PHKG2: variants seen among roughly 807,000 people sequenced by gnomAD.
PHKG2 encodes phosphorylase b kinase gamma catalytic chain, liver/testis isoform.
In PHKG2, 28 loss-of-function variants were observed where a neutral mutation model predicts 44.5. The ratio of observed to expected loss-of-function variants is 0.63; its 90% CI spans 0.47 to 0.86. The LOEUF is 0.86. PHKG2 is among the 40% of genes least tolerant of loss of function. PHKG2 has a pLI of 0.00. For missense variants in PHKG2, 498 were observed against 547.5 expected (o/e 0.91, Z 0.90); for synonymous variants, 220 against 211.2 (o/e 1.04, Z -0.36).
chr16:30,758,827 G>T lies in PHKG2; in HGVS notation c.*1730G>T. Reference sequence around the variant, plus strand: ...GCCTCAGATTGTGCTGGGATTACAGGTGTGAGCCACCACGCCTGGCCTGCA... The same window carrying T: ...GCCTCAGATTGTGCTGGGATTACAGTTGTGAGCCACCACGCCTGGCCTGCA... On this transcript the variant is annotated 3_prime_UTR_variant, in exon 10 of 10. Coordinates refer to ENST00000563588, the MANE Select transcript of PHKG2 (RefSeq NM_000294.3). The T allele has an allele frequency of 1.0e-6, 1 of 997,458 alleles. No homozygotes were observed. Among genetic ancestry groups the T allele is most frequent in the East Asian group, 2.6e-5 (1 of 37,926 alleles). The allele number at this position is 997,458 out of a possible 1,614,324, so 61.8% of individuals were successfully genotyped here. A position where few individuals can be genotyped will look rare whatever the true frequency, so the allele number is the denominator to read the frequency against.
chr16:30,756,321 G>A, intron 7 of PHKG2, 46 bp from the exon 8 acceptor site: 1 of 1,614,102 alleles, frequency 6.2e-7, no homozygotes, highest in Non-Finnish European at 8.5e-7. Context: ...TCCTTTGCTG[G>A]GTCTGCCCGT....
At chr16:30,749,891 T>C (rs887436351) in intron 2 of PHKG2, among the ~76,000 whole-genome samples, 2 of 152,132 alleles carry the variant, frequency 1.3e-5, no homozygotes, top group South Asian at 4.1e-4. Flanking sequence ...TCAAGTGCTA[T>C]GGGATTCCAG....
chr16:30,756,255 T>C lies in PHKG2; in HGVS notation c.630T>C (p.Tyr210=). Residue 210 remains tyrosine, a synonymous_variant, in exon 7 of 10, where the codon TAT becomes TAC. Coordinates refer to ENST00000563588, the MANE Select transcript of PHKG2 (RefSeq NM_000294.3). ...CCATGGATGAAACCCACCCAGGCTA[T>C]GGCAAGGAGGTCGACCTGTGAGTTC... is the stretch of plus-strand genomic sequence containing the variant. ...KCSMDETHPG[Y]GKEVDLWACG... 1.2e-6 allele frequency: 2 copies of C among 1,614,160 alleles called. No homozygotes were observed. Among genetic ancestry groups the C allele is most frequent in the South Asian group, 1.1e-5 (1 of 91,084 alleles).
rs2053712645 is a variant in PHKG2 at position 30,760,758 on chromosome 16, C to G, written c.*3661C>G. 1 of 1,224,968 alleles carries G rather than the reference C, an allele frequency of 8.2e-7. No individual in the cohort carries two copies. The highest frequency in any genetic ancestry group is 1.2e-6 in the Non-Finnish European group (1 of 853,986). The allele number at this position is 1,224,968 out of a possible 1,614,324, so 75.9% of individuals were successfully genotyped here. On this transcript the variant is annotated 3_prime_UTR_variant, in exon 10 of 10. Transcript: ENST00000563588. Reference sequence around the variant, plus strand: ...AGTGCGTGAGACTGGGAGTTGGCCACCGGCGTGAAGCTGGGCTCTTTTGCC... The same window carrying G: ...AGTGCGTGAGACTGGGAGTTGGCCAGCGGCGTGAAGCTGGGCTCTTTTGCC...
intron 1 of PHKG2, 131 bp from the exon 2 acceptor site, chr16:30,748,672 T>TGGG (rs2151304972): frequency 2.9e-6 from 1 of 347,038 alleles, no homozygotes; most frequent in Non-Finnish European, 5.4e-6. Flanking sequence ...TCCGGGTCCT[T>TGGG]CCCCCACCCC....
Position 30,759,420 on chromosome 16 carries a change from C to G in PHKG2, c.*2323C>G, listed in dbSNP as rs140233714. On this transcript the variant is annotated 3_prime_UTR_variant, in exon 10 of 10. Transcript: ENST00000563588. ...CCACGTAGTCTTCCAAGGCCAGCAG[C>G]TGTTCCTCTTTGAAGAGGTCGATGC... The G allele has an allele frequency of 5.8e-5, 94 of 1,614,114 alleles. No individual in the cohort carries two copies. Among genetic ancestry groups the G allele is most frequent in the Non-Finnish European group, 7.7e-5 (91 of 1,180,050 alleles).
Position 30,757,161 on chromosome 16 carries a change from G to C in PHKG2, c.*64G>C, listed in dbSNP as rs993158905. ...CAGAAGAAGGGTTTTGATCATTCCA[G>C]CTCCTCTGGGCTCTGGCCTCTGGCC... On this transcript the variant is annotated 3_prime_UTR_variant, in exon 10 of 10. Coordinates refer to ENST00000563588, the MANE Select transcript of PHKG2 (RefSeq NM_000294.3). 2 of 1,480,240 alleles carry C rather than the reference G, an allele frequency of 1.4e-6. No individual in the cohort carries two copies. The highest frequency in any genetic ancestry group is 4.4e-5 in the African/African-American group (2 of 45,252). The allele number at this position is 1,480,240 out of a possible 1,614,324, so 91.7% of individuals were successfully genotyped here.
In PHKG2 at chr16:30,757,747, C is replaced by T; in HGVS notation, c.*650C>T. 1.3e-6 allele frequency: 2 copies of T among 1,490,004 alleles called. No individual in the cohort carries two copies. The highest frequency in any genetic ancestry group is 1.8e-6 in the Non-Finnish European group (2 of 1,123,784). 92.3% of individuals were successfully genotyped at this position (1,490,004 alleles called of 1,614,324 possible). On this transcript the variant is annotated 3_prime_UTR_variant, in exon 10 of 10. Coordinates refer to ENST00000563588, the MANE Select transcript of PHKG2 (RefSeq NM_000294.3). ...AGTTGGGCAAACAGTCCCCAAATTT[C>T]CCCTGGTGGGGATATAGAGGTAGCA...
Position 30,759,681 on chromosome 16 carries a change from G to A in PHKG2, c.*2584G>A, listed in dbSNP as rs2053606724. The A allele has an allele frequency of 6.2e-7, 1 of 1,613,820 alleles. No individual in the cohort carries two copies. The highest frequency in any genetic ancestry group is 1.3e-5 in the African/African-American group (1 of 74,934). Reference sequence around the variant, plus strand: ...TGACTCCATGGCAAAAAAGGACACTGGTGAAGTAGCGGTAGCACTCCTCCA... The same window carrying A: ...TGACTCCATGGCAAAAAAGGACACTAGTGAAGTAGCGGTAGCACTCCTCCA... On this transcript the variant is annotated 3_prime_UTR_variant, in exon 10 of 10. Coordinates refer to ENST00000563588, the MANE Select transcript of PHKG2 (RefSeq NM_000294.3).
rs775887057 is a variant in PHKG2, at chr16:30,756,937, C to T, written c.1061C>T (p.Ala354Val). Residue 354 changes from alanine (A) to valine (V), a missense_variant, in exon 10 of 10, where the codon GCC (alanine) becomes GTC (valine). Physicochemically the swap from Ala to Val is moderately conservative, Grantham distance 64. Transcript: ENST00000563588. ...GTGCGGCACCTCATCGACAACTGTG[C>T]CTTCCGGCTCTACGGGCACTGGGTA... ...RSVRHLIDNCAFRLYGHWVKK... is the reference protein window; with the variant it reads ...RSVRHLIDNCVFRLYGHWVKK... The T allele has an allele frequency of 1.9e-6, 3 of 1,613,708 alleles. No homozygotes were observed. The African/African-American group carries it at 4.0e-5, about 22-fold the overall frequency.
Position 30,757,604 on chromosome 16 carries a change from GCT to G in PHKG2, c.*510_*511del, listed in dbSNP as rs748023608. On this transcript the variant is annotated 3_prime_UTR_variant, in exon 10 of 10. Transcript: ENST00000563588. ...TCCACCAGCCCCTGGAGCTGCTCCA[GCT>G]CTTTGTTCACTTGGGTCTTGATGTA... is the stretch of plus-strand genomic sequence containing the variant. 5 of 1,614,192 alleles carry G rather than the reference GCT, an allele frequency of 3.1e-6. No homozygotes were observed. Among genetic ancestry groups the G allele is most frequent in the South Asian group, 1.1e-5 (1 of 91,080 alleles).
Position 30,759,398 on chromosome 16 carries a change from C to T in PHKG2, c.*2301C>T, listed in dbSNP as rs143239070. Reference sequence around the variant, plus strand: ...AAGTGGCGGAAGTAAGTGTTGACCACGTAGTCTTCCAAGGCCAGCAGCTGT... The same window carrying T: ...AAGTGGCGGAAGTAAGTGTTGACCATGTAGTCTTCCAAGGCCAGCAGCTGT... On this transcript the variant is annotated 3_prime_UTR_variant, in exon 10 of 10. Transcript: ENST00000563588. 408 of 1,614,110 alleles carry T rather than the reference C, an allele frequency of 2.5e-4. No individual in the cohort carries two copies. Among genetic ancestry groups the T allele is most frequent in the Non-Finnish European group, 3.3e-4 (384 of 1,180,056 alleles).
In PHKG2 at chr16:30,757,430, A is replaced by G. The variant is rs1478562116; in HGVS notation, c.*333A>G. 6.3e-7 allele frequency: 1 copy of G among 1,588,810 alleles called. No homozygotes were observed. Among genetic ancestry groups the G allele is most frequent in the East Asian group, 2.2e-5 (1 of 44,638 alleles). ...AGAAGGTGCTCAGCAGGGTGCAGGG[A>G]TGGTGCCATTCTGGCCCAGACCTTT... On this transcript the variant is annotated 3_prime_UTR_variant, in exon 10 of 10. Coordinates refer to ENST00000563588, the MANE Select transcript of PHKG2 (RefSeq NM_000294.3).
chr16:30,750,355 G>A (rs937656545), intron 2 of PHKG2, among the ~76,000 whole-genome samples: 1 of 152,236 alleles, frequency 6.6e-6, no homozygotes, highest in Non-Finnish European at 1.5e-5. Flanking sequence ...GGAGGCCCCA[G>A]AGAGCATAAC....
chr16:30,753,086 G>A, intron 4 of PHKG2, 146 bp from the exon 5 acceptor site: 1 of 725,060 alleles, frequency 1.4e-6, no homozygotes. Context: ...CTGCCTTGTT[G>A]GAGTGCTGTG....
Position 30,760,639 on chromosome 16 carries a change from T to C in PHKG2, c.*3542T>C, listed in dbSNP as rs1231762301. On this transcript the variant is annotated 3_prime_UTR_variant, in exon 10 of 10. Transcript: ENST00000563588. ...CTCAGCATTGGTGGTCTTCTCCAGC[T>C]GGTGCATGGAATGGACGTCCAGGTA... The C allele has an allele frequency of 3.2e-6, 5 of 1,555,854 alleles. No individual in the cohort carries two copies. The highest frequency in any genetic ancestry group is 3.9e-5 in the Admixed American group (2 of 51,442).
At position 30,760,104 on chromosome 16, in the gene PHKG2, AT is replaced by A; in HGVS notation, c.*3008del. The A allele has an allele frequency of 6.5e-7, 1 of 1,540,246 alleles. No homozygotes were observed. The highest frequency in any genetic ancestry group is 1.2e-5 in the South Asian group (1 of 84,932). On this transcript the variant is annotated 3_prime_UTR_variant, in exon 10 of 10. Coordinates refer to ENST00000563588, the MANE Select transcript of PHKG2 (RefSeq NM_000294.3). ...AACAGTCCTGTAAAATGTGTGCTGT[AT>A]CCTTAATTTCTAGATAAGGAAGCAG...
chr16:30,756,960 G>C lies in PHKG2; in HGVS notation c.1084G>C (p.Val362Leu). ...NCAFRLYGHWVKKGEQQNRAA... is the reference protein window; with the variant it reads ...NCAFRLYGHWLKKGEQQNRAA... ...TGCCTTCCGGCTCTACGGGCACTGGGTAAAGAAAGGGGAGCAGCAGAACCG... is the reference window on the plus strand; with the variant it reads ...TGCCTTCCGGCTCTACGGGCACTGGCTAAAGAAAGGGGAGCAGCAGAACCG... Residue 362 changes from valine (V) to leucine (L), a missense_variant, in exon 10 of 10, where the codon GTA becomes CTA. By Grantham distance (32) the Val-to-Leu change is conservative (BLOSUM62 1). Coordinates refer to ENST00000563588, the MANE Select transcript of PHKG2 (RefSeq NM_000294.3). The C allele has an allele frequency of 6.2e-7, 1 of 1,613,326 alleles. No individual in the cohort carries two copies. Among genetic ancestry groups the C allele is most frequent in the Non-Finnish European group, 8.5e-7 (1 of 1,180,038 alleles).
At position 30,760,423 on chromosome 16, in the gene PHKG2, A is replaced by G; in HGVS notation, c.*3326A>G. On this transcript the variant is annotated 3_prime_UTR_variant, in exon 10 of 10. Coordinates refer to ENST00000563588, the MANE Select transcript of PHKG2 (RefSeq NM_000294.3). ...TGGCGTCCCTCAGGCTCTGCTCAGG[A>G]CACCCTAGCTCCAGCAGCTCAGCCA... The G allele has an allele frequency of 6.2e-7, 1 of 1,614,132 alleles. No individual in the cohort carries two copies.
Sources: gnomAD v4.1 joint callset for allele counts (sites outside exome capture counted in the v4.1 genomes callset) on GRCh38, gnomAD v4.1.1 for gene constraint, MANE v1.5 for transcripts, NCBI Gene and HGNC (gene_info 2026-07-23, HGNC 2026-07-21) for gene names.